The following SLC35D1 variants were observed in gnomAD, a reference collection of about 807,000 sequenced individuals.
SLC35D1 encodes solute carrier family 35 member D1, also known as nucleotide sugar transporter SLC35D1.
A neutral mutation model predicts 46.7 loss-of-function variants in SLC35D1; 31 were observed. The observed-to-expected ratio is 0.66, with a 90% CI of 0.50 to 0.90. The LOEUF is 0.90. SLC35D1 is among the 40% of genes least tolerant of loss of function. SLC35D1 has a pLI of 0.00. For missense variants in SLC35D1, 397 were observed against 426.2 expected, an observed-to-expected ratio of 0.93 and a Z score of 0.60; for synonymous variants, 195 against 164.6, an observed-to-expected ratio of 1.18 and a Z score of -1.41.
chr1:67,034,958 A>T (rs1450788452), intron 8 of SLC35D1, among the ~76,000 whole-genome samples: 1 of 152,104 alleles, frequency 6.6e-6, no homozygotes, highest in Admixed American at 6.5e-5. Flanking sequence ...TGTTGATATG[A>T]TGTATTACAT....
At chr1:66,980,216 T>C in the SLC35D1 span, among the ~76,000 whole-genome samples, 5 of 152,252 alleles carry the variant, frequency 3.3e-5, no homozygotes, top group Admixed American at 6.5e-5. Context: ...AAATTTGTTA[T>C]GTAATTTTTC....
chr1:66,973,810 GT>G, the SLC35D1 span, among the ~76,000 whole-genome samples: 1 of 152,026 alleles, frequency 6.6e-6, no homozygotes, highest in Non-Finnish European at 1.5e-5. Context: ...TTTTTAGTTA[GT>G]AGAAATGACA....
downstream of SLC35D1, among the ~76,000 whole-genome samples, chr1:66,996,179 G>A (rs1667236998): frequency 6.6e-6 from 1 of 152,132 alleles, no homozygotes; most frequent in African/African-American, 2.4e-5. Context: ...AGTAAATACT[G>A]CTTTTCCTTC....
Position 67,052,764 on chromosome 1 carries a change from C to T in SLC35D1, c.324+7G>A. On this transcript the variant is annotated splice_region_variant and intron_variant, in intron 3 of 11. Transcript: ENST00000235345. ...CACAAAATAAAGTATCGCTTTTCTT[C>T]TTTTACCTTTCGAGGTACATTTCTG... The T allele has an allele frequency of 6.2e-7, 1 of 1,613,874 alleles. No individual in the cohort carries two copies. Among genetic ancestry groups the T allele is most frequent in the Non-Finnish European group, 8.5e-7 (1 of 1,179,780 alleles).
the SLC35D1 span, among the ~76,000 whole-genome samples, chr1:66,982,291 C>T: frequency 6.6e-6 from 1 of 152,060 alleles, no homozygotes; most frequent in African/African-American, 2.4e-5. Flanking sequence ...TTGCAAAATA[C>T]CTTGATGTAA....
At chr1:66,993,390 T>G in the SLC35D1 span, among the ~76,000 whole-genome samples, 1 of 152,212 alleles carries the variant, frequency 6.6e-6, no homozygotes, top group African/African-American at 2.4e-5. Flanking sequence ...CATGATGGAC[T>G]GAAGACAAGA....
chr1:67,023,765 G>A (rs1463741128), intron 8 of SLC35D1, among the ~76,000 whole-genome samples: 2 of 150,078 alleles, frequency 1.3e-5, no homozygotes, highest in Non-Finnish European at 1.5e-5. Context: ...GGATTACAGA[G>A]GTACAAAAGA....
chr1:67,004,288 T>C lies in SLC35D1; in HGVS notation c.*52A>G. 6.8e-7 allele frequency: 1 copy of C among 1,474,048 alleles called. No homozygotes were observed. 91.3% of individuals were successfully genotyped at this position (1,474,048 alleles called of 1,614,324 possible). A position where few individuals can be genotyped will look rare whatever the true frequency, so the allele number is the denominator to read the frequency against. On this transcript the variant is annotated 3_prime_UTR_variant, in exon 12 of 12. Coordinates refer to ENST00000235345, the MANE Select transcript of SLC35D1 (RefSeq NM_015139.3). ...GTGTCTCTGTAGGAACTGCCAGTGT[T>C]CTGAGTTGATTAAAAACTTAGGCCT...
intron 11 of SLC35D1, among the ~76,000 whole-genome samples, chr1:67,007,484 T>C (rs977601724): frequency 6.7e-6 from 1 of 149,036 alleles, no homozygotes; most frequent in African/African-American, 2.5e-5. Flanking sequence ...GAGCAAGGAA[T>C]GTAACATTAT....
chr1:66,996,581 G>A (rs1303797566), downstream of SLC35D1, among the ~76,000 whole-genome samples: 2 of 152,176 alleles, frequency 1.3e-5, no homozygotes, highest in East Asian at 3.8e-4. Flanking sequence ...GCTGGCCCCA[G>A]TGAACTCAGT....
In SLC35D1 at chr1:67,040,284, C is replaced by T. The variant is rs532805684; in HGVS notation, c.729+1952G>A. 2.0e-5 allele frequency among the ~76,000 whole-genome samples: 3 copies of T among 152,288 alleles called. 1 individual carries two copies. The highest frequency in any genetic ancestry group is 2.1e-4 in the South Asian group (1 of 4,826). ...CTAGGATTATAGGCGGGAGCCACTG[C>T]ACCCAGCCCTTTGTCACAAACTTTT... On this transcript the variant is annotated intron_variant, in intron 8 of 11. Coordinates refer to ENST00000235345, the MANE Select transcript of SLC35D1 (RefSeq NM_015139.3).
intron 10 of SLC35D1, among the ~76,000 whole-genome samples, chr1:67,009,447 T>C (rs1472392324): frequency 6.6e-6 from 1 of 152,190 alleles, no homozygotes; most frequent in Non-Finnish European, 1.5e-5. Context: ...AAACTATGCA[T>C]TGGACAAAGG....
Position 67,053,916 on chromosome 1 carries a change from G to A in SLC35D1, c.98C>T (p.Ser33Leu), listed in dbSNP as rs34458186. Residue 33 changes from serine to leucine, a missense_variant, in exon 1 of 12, where the codon TCG (serine) becomes TTG (leucine). Transcript: ENST00000235345. ...LRDEEELGMASAETLTVFLKL... is the reference protein window; with the variant it reads ...LRDEEELGMALAETLTVFLKL... The stretch of plus-strand genomic sequence containing the variant: ...CAGAAACACGGTCAGCGTTTCGGCC[G>A]ACGCCATCCCCAGCTCCTCCTCATC... 54 of 1,613,692 alleles carry A rather than the reference G, an allele frequency of 3.3e-5. 1 individual carries two copies. In the African/African-American group the frequency reaches 3.7e-4, roughly 11 times the overall value.
chr1:67,014,354 T>TA (rs1394151288), intron 10 of SLC35D1, among the ~76,000 whole-genome samples: 1 of 152,224 alleles, frequency 6.6e-6, no homozygotes, highest in African/African-American at 2.4e-5. Context: ...GTGAGGCAGA[T>TA]AAACTTTAAT....
the SLC35D1 span, chr1:66,984,765 T>C: frequency 6.2e-7 from 1 of 1,613,970 alleles, no homozygotes. Flanking sequence ...AAAATGATTT[T>C]GATGAAAAAA....
At chr1:67,021,724 G>GACACAGAC (rs1553265841) in intron 8 of SLC35D1, 122 bp from the exon 9 acceptor site, 2 of 409,974 alleles carry the variant, frequency 4.9e-6, no homozygotes, top group African/African-American at 6.4e-5. Flanking sequence ...CACAGACACA[G>GACACAGAC]ACACACACAC....
intron 5 of SLC35D1, among the ~76,000 whole-genome samples, chr1:67,050,191 G>A (rs187211345): frequency 6.6e-6 from 1 of 151,910 alleles, no homozygotes. Flanking sequence ...AGCTTCTCCC[G>A]GTGGCAGTAG....
chr1:67,034,872 G>A (rs1378178797), intron 8 of SLC35D1, among the ~76,000 whole-genome samples: 1 of 152,022 alleles, frequency 6.6e-6, no homozygotes, highest in African/African-American at 2.4e-5. Flanking sequence ...TTATCATGAA[G>A]GGATTTTGAA....
chr1:67,025,961 T>C (rs745396822), intron 8 of SLC35D1, among the ~76,000 whole-genome samples: 6 of 152,170 alleles, frequency 3.9e-5, no homozygotes, highest in Non-Finnish European at 8.8e-5. Context: ...ATTTTCTACA[T>C]ATATCATCAT....
Sources: gnomAD v4.1 joint callset for allele counts (sites outside exome capture counted in the v4.1 genomes callset) on GRCh38, gnomAD v4.1.1 for gene constraint, MANE v1.5 for transcripts, NCBI Gene and HGNC (gene_info 2026-07-23, HGNC 2026-07-21) for gene names.